LOC400499: variants seen among roughly 807,000 people sequenced by gnomAD.
chr16:11,399,164 C>A, the LOC400499 span: 1 of 972,666 alleles, frequency 1.0e-6, no homozygotes, highest in Non-Finnish European at 1.2e-6. Flanking sequence ...CTCGGGGAAC[C>A]GGAGCTCCCG....
the LOC400499 span, among the ~76,000 whole-genome samples, chr16:11,498,593 C>A: frequency 1.3e-5 from 2 of 152,142 alleles, no homozygotes; most frequent in Admixed American, 1.3e-4. Context: ...TTCCCACCCC[C>A]CTCCTCTCCC....
chr16:11,404,919 G>T, the LOC400499 span: 49 of 398,800 alleles, frequency 1.2e-4, 1 homozygote, highest in African/African-American at 8.0e-4. Flanking sequence ...TTCTGCCTGG[G>T]ATGGGAAAGA....
At chr16:11,421,990 G>A in the LOC400499 span, among the ~76,000 whole-genome samples, 5 of 152,324 alleles carry the variant, frequency 3.3e-5, no homozygotes, top group Admixed American at 1.3e-4. Context: ...GGTTTGAGAC[G>A]TGGCAAACAC....
At chr16:11,456,784 G>C in the LOC400499 span, 4 of 1,481,758 alleles carry the variant, frequency 2.7e-6, no homozygotes, top group Admixed American at 2.0e-5. Flanking sequence ...CCAGGAAGGA[G>C]GCATAGCTTG....
the LOC400499 span, chr16:11,491,959 C>A: frequency 1.0e-5 from 4 of 395,432 alleles, no homozygotes; most frequent in African/African-American, 8.2e-5. Context: ...TGTCCTGATG[C>A]CCCTACTGCG....
chr16:11,375,245 C>G, the LOC400499 span, among the ~76,000 whole-genome samples: 1 of 143,754 alleles, frequency 7.0e-6, no homozygotes, highest in African/African-American at 2.7e-5. Flanking sequence ...AACTCAATGT[C>G]CTAACACTTG....
At chr16:11,475,855 G>C in the LOC400499 span, 3 of 388,810 alleles carry the variant, frequency 7.7e-6, no homozygotes, top group African/African-American at 4.1e-5. Context: ...GCACACGCTG[G>C]TGTGGTGACA....
chr16:11,489,651 C>A, the LOC400499 span, among the ~76,000 whole-genome samples: 1 of 152,182 alleles, frequency 6.6e-6, no homozygotes, highest in African/African-American at 2.4e-5. Flanking sequence ...CTTATTCCCA[C>A]TGGACAATAT....
the LOC400499 span, among the ~76,000 whole-genome samples, chr16:11,388,837 T>C: frequency 1.3e-5 from 2 of 152,192 alleles, no homozygotes; most frequent in Non-Finnish European, 2.9e-5. Context: ...GGCTCATGCC[T>C]ATAATCCCAG....
At chr16:11,446,162 G>A in the LOC400499 span, among the ~76,000 whole-genome samples, 1 of 147,000 alleles carries the variant, frequency 6.8e-6, no homozygotes, top group Admixed American at 6.8e-5. Flanking sequence ...GGGGGCGGGG[G>A]AGTGGTGTCT....
the LOC400499 span, chr16:11,417,499 G>A: frequency 7.5e-6 from 3 of 397,662 alleles, no homozygotes; most frequent in Admixed American, 8.8e-5. Context: ...AGGCTGTCTT[G>A]GTTGTCCTGG....
At chr16:11,377,060 C>G in the LOC400499 span, among the ~76,000 whole-genome samples, 6 of 151,870 alleles carry the variant, frequency 4.0e-5, no homozygotes, top group African/African-American at 7.2e-5. Context: ...CTCAAGTGAT[C>G]CTCCTGCCTC....
chr16:11,496,876 G>A, the LOC400499 span, among the ~76,000 whole-genome samples: 22 of 148,982 alleles, frequency 1.5e-4, no homozygotes, highest in South Asian at 4.1e-3. Context: ...GAGTCTTGGC[G>A]TGTATGCCTC....
At chr16:11,496,153 G>T in the LOC400499 span, among the ~76,000 whole-genome samples, 1 of 150,526 alleles carries the variant, frequency 6.6e-6, no homozygotes, top group Non-Finnish European at 1.5e-5. Flanking sequence ...TGCAACCTCT[G>T]CCTCCTGAGA....
chr16:11,400,467 T>TGA, the LOC400499 span, among the ~76,000 whole-genome samples: 5,461 of 148,624 alleles, frequency 0.037, 353 homozygotes, highest in African/African-American at 0.13. Context: ...CTTCTGAGAC[T>TGA]GTCTCACTCT....
At chr16:11,453,576 A>C in the LOC400499 span, among the ~76,000 whole-genome samples, 5 of 152,328 alleles carry the variant, frequency 3.3e-5, no homozygotes, top group South Asian at 8.3e-4. Flanking sequence ...TGAAAATATA[A>C]GATAATCCAA....
At chr16:11,498,340 G>A in the LOC400499 span, among the ~76,000 whole-genome samples, 29 of 152,114 alleles carry the variant, frequency 1.9e-4, 1 homozygote, top group Admixed American at 1.6e-3. Flanking sequence ...AAAATTAGCC[G>A]GGCCTGGTGG....
the LOC400499 span, among the ~76,000 whole-genome samples, chr16:11,444,410 C>G: frequency 4.6e-5 from 7 of 152,112 alleles, no homozygotes; most frequent in East Asian, 1.4e-3. Context: ...TCAAAAAAGA[C>G]CCTCTAAGTC....
chr16:11,385,223 G>C, the LOC400499 span: 1 of 1,232,338 alleles, frequency 8.1e-7, no homozygotes, highest in East Asian at 3.2e-5. Flanking sequence ...GCAGACTGGG[G>C]TAGAGGATGA....
Sources: allele counts gnomAD v4.1 joint callset (sites outside exome capture counted in the v4.1 genomes callset), GRCh38; gene constraint gnomAD v4.1.1; transcripts MANE v1.5.